The following CNTNAP2 variants were observed in gnomAD, a reference collection of about 807,000 sequenced individuals.
The protein encoded by CNTNAP2 is contactin associated protein 2.
In CNTNAP2, 98 loss-of-function variants were observed where a neutral mutation model predicts 155.2. The observed-to-expected ratio is 0.63, with a 90% CI of 0.54 to 0.75. The LOEUF is 0.75. CNTNAP2 is among the 30% of genes least tolerant of loss of function. The pLI is 0.00. For missense variants in CNTNAP2, 1,727 were observed against 1,688.1 expected (o/e 1.02, Z -0.40); for synonymous variants, 651 against 631.2 (o/e 1.03, Z -0.47).
At chr7:147,559,592 A>C (rs1800019507) in intron 11 of CNTNAP2, among the ~76,000 whole-genome samples, 1 of 152,192 alleles carries the variant, frequency 6.6e-6, no homozygotes, top group African/African-American at 2.4e-5. Flanking sequence ...TGGCAGAAGA[A>C]AAAGACAATG....
chr7:146,955,039 C>T (rs910245414), intron 3 of CNTNAP2, among the ~76,000 whole-genome samples: 11 of 151,916 alleles, frequency 7.2e-5, no homozygotes, highest in Non-Finnish European at 1.5e-4. Context: ...ACTGTCACCT[C>T]CTATGACATG....
intron 3 of CNTNAP2, among the ~76,000 whole-genome samples, chr7:146,873,571 G>T (rs1383020065): frequency 1.3e-5 from 2 of 152,130 alleles, no homozygotes; most frequent in Non-Finnish European, 2.9e-5. Context: ...CTGTGGGTAA[G>T]AAGTGGGCTC....
intron 1 of CNTNAP2, among the ~76,000 whole-genome samples, chr7:146,472,748 G>A (rs188056447): frequency 1.3e-4 from 20 of 151,778 alleles, no homozygotes; most frequent in African/African-American, 4.1e-4. Flanking sequence ...TCTTAGCCAC[G>A]TAGTTGGTAT....
At position 146,619,113 on chromosome 7, in the gene CNTNAP2, A is replaced by C. The variant is rs184103629; in HGVS notation, c.98-155158A>C. Among the ~76,000 whole-genome samples, 97 of 152,204 alleles carry C rather than the reference A, an allele frequency of 6.4e-4. 1 individual carries two copies. The East Asian group carries it at 0.018, about 28-fold the overall frequency. ...AGTGAAATTTCTAAAATAATAAAAA[A>C]GTCACTTTAAAAAATCTTAAAATAT... On this transcript the variant is annotated intron_variant, in intron 1 of 23. Transcript: ENST00000361727.
intron 13 of CNTNAP2, among the ~76,000 whole-genome samples, chr7:147,662,067 G>A (rs1389477139): frequency 6.6e-6 from 1 of 152,126 alleles, no homozygotes; most frequent in Non-Finnish European, 1.5e-5. Flanking sequence ...TGCAAGAAAG[G>A]CCAATCACTC....
chr7:147,449,884 G>T (rs2373129), intron 10 of CNTNAP2, among the ~76,000 whole-genome samples: 28,472 of 152,020 alleles, frequency 0.19, 3,199 homozygotes, highest in Non-Finnish European at 0.25. Flanking sequence ...TATTCAATTT[G>T]TCAGCCAATC....
chr7:147,273,552 T>A (rs1804810758), intron 8 of CNTNAP2, among the ~76,000 whole-genome samples: 1 of 151,868 alleles, frequency 6.6e-6, no homozygotes, highest in Non-Finnish European at 1.5e-5. Context: ...ATAATTTCCA[T>A]CTATATGTTC....
At chr7:146,413,282 T>G (rs1345161371) in intron 1 of CNTNAP2, among the ~76,000 whole-genome samples, 1 of 152,168 alleles carries the variant, frequency 6.6e-6, no homozygotes, top group Non-Finnish European at 1.5e-5. Flanking sequence ...GGCCACTTTC[T>G]CAATCCTGTT....
chr7:147,494,320 C>T (rs1013512599), intron 11 of CNTNAP2, among the ~76,000 whole-genome samples: 2 of 152,128 alleles, frequency 1.3e-5, no homozygotes, highest in Non-Finnish European at 2.9e-5. Context: ...AGGACCTCTA[C>T]ATTTCTAAGG....
At chr7:147,249,247 A>G (rs1461448307) in intron 8 of CNTNAP2, among the ~76,000 whole-genome samples, 1 of 152,134 alleles carries the variant, frequency 6.6e-6, no homozygotes, top group Non-Finnish European at 1.5e-5. Context: ...AGCTTGTTTT[A>G]TGCCTGTGAT....
At chr7:148,372,562 G>A (rs889294207) in intron 21 of CNTNAP2, among the ~76,000 whole-genome samples, 1 of 151,958 alleles carries the variant, frequency 6.6e-6, no homozygotes, top group Non-Finnish European at 1.5e-5. Context: ...ACAAAAATTA[G>A]CCTGGTGTGG....
chr7:147,274,700 T>C (rs1391784923), intron 8 of CNTNAP2, among the ~76,000 whole-genome samples: 1 of 152,118 alleles, frequency 6.6e-6, no homozygotes, highest in Non-Finnish European at 1.5e-5. Flanking sequence ...TGTCTATTTT[T>C]GGGTTTGTTG....
At chr7:148,001,872 C>T (rs1801905342) in intron 15 of CNTNAP2, among the ~76,000 whole-genome samples, 1 of 152,064 alleles carries the variant, frequency 6.6e-6, no homozygotes, top group Non-Finnish European at 1.5e-5. Context: ...AAATAAGCTT[C>T]ATCTATTAAC....
chr7:147,551,657 A>T (rs1799854852), intron 11 of CNTNAP2, among the ~76,000 whole-genome samples: 2 of 152,190 alleles, frequency 1.3e-5, no homozygotes, highest in African/African-American at 2.4e-5. Flanking sequence ...TCCTGAACCT[A>T]AATCAGATGC....
intron 8 of CNTNAP2, among the ~76,000 whole-genome samples, chr7:147,297,109 A>G (rs1385038011): frequency 6.6e-6 from 1 of 152,184 alleles, no homozygotes; most frequent in Non-Finnish European, 1.5e-5. Flanking sequence ...CTTAATCCTT[A>G]CCCTTAGAAT....
chr7:146,229,569 G>T (rs1029144179), intron 1 of CNTNAP2, among the ~76,000 whole-genome samples: 2 of 152,018 alleles, frequency 1.3e-5, no homozygotes, highest in Admixed American at 1.3e-4. Flanking sequence ...AGTTCCATGC[G>T]CTGACAGAGA....
intron 3 of CNTNAP2, among the ~76,000 whole-genome samples, chr7:147,024,462 G>T (rs750238998): frequency 1.3e-5 from 2 of 152,170 alleles, no homozygotes; most frequent in Non-Finnish European, 2.9e-5. Flanking sequence ...GGAAACGGGG[G>T]AAGGTTACAT....
rs368423425 is a variant in CNTNAP2, at chr7:147,887,729, C to T, written c.2099-15836C>T. 3.5e-4 allele frequency among the ~76,000 whole-genome samples: 53 copies of T among 152,128 alleles called. No individual in the cohort carries two copies. The South Asian group carries it at 0.011, about 31-fold the overall frequency. On this transcript the variant is annotated intron_variant, in intron 13 of 23. Coordinates refer to ENST00000361727, the MANE Select transcript of CNTNAP2 (RefSeq NM_014141.6). ...ATATCAAATATCCCTGTATGGAAAACAAAATCCAGGGGGTTAGACTCTCAA... is the reference window on the plus strand; with the variant it reads ...ATATCAAATATCCCTGTATGGAAAATAAAATCCAGGGGGTTAGACTCTCAA...
chr7:147,985,908 T>C (rs1801611123), intron 15 of CNTNAP2, among the ~76,000 whole-genome samples: 1 of 151,994 alleles, frequency 6.6e-6, no homozygotes, highest in Non-Finnish European at 1.5e-5. Flanking sequence ...GGCTTTGGAG[T>C]TCTCTAATGG....
Sources: gnomAD v4.1 joint callset for allele counts (sites outside exome capture counted in the v4.1 genomes callset) on GRCh38, gnomAD v4.1.1 for gene constraint, MANE v1.5 for transcripts, NCBI Gene and HGNC (gene_info 2026-07-23, HGNC 2026-07-21) for gene names.